The following ZNF136 variants were observed in gnomAD, a reference collection of about 807,000 sequenced individuals.
The protein encoded by ZNF136 is zinc finger protein 136.
Under a neutral mutation model 11.4 loss-of-function variants are expected in ZNF136, and 8 were observed. The observed-to-expected ratio is 0.70, with a 90% CI of 0.41 to 1.27. ZNF136 has a LOEUF of 1.27. Ranked by LOEUF, ZNF136 falls within the 50% of genes most tolerant of loss-of-function variation. The probability of loss-of-function intolerance (pLI) is 0.01; values close to 1 mark genes in which losing one functional copy is unlikely to be tolerated. For missense variants in ZNF136, 590 were observed against 656.5 expected (o/e 0.90, Z 1.11); for synonymous variants, 190 against 207.1 (o/e 0.92, Z 0.71).
In ZNF136 at chr19:12,188,950, G is replaced by T. The variant is rs1455900713; in HGVS notation, c.*949G>T. 1 of 152,144 alleles carries T rather than the reference G, an allele frequency of 6.6e-6. No individual in the cohort carries two copies. The highest frequency in any genetic ancestry group is 1.5e-5 in the Non-Finnish European group (1 of 68,048). 9.4% of individuals were successfully genotyped at this position (152,144 alleles called of 1,614,324 possible). A position where few individuals can be genotyped will look rare whatever the true frequency, so the allele number is the denominator to read the frequency against. On this transcript the variant is annotated 3_prime_UTR_variant, in exon 4 of 4. Transcript: ENST00000343979. Reference sequence around the variant, plus strand: ...TATATGTATATTTTGTTAATTAGTGGCTCATATTTAAAATAGTTCTCTGAC... The same window carrying T: ...TATATGTATATTTTGTTAATTAGTGTCTCATATTTAAAATAGTTCTCTGAC...
intron 1 of ZNF136, 126 bp from the exon 2 acceptor site, chr19:12,185,659 A>G: frequency 2.4e-6 from 3 of 1,264,558 alleles, no homozygotes; most frequent in Admixed American, 2.8e-5. Context: ...AGTGAGTATG[A>G]TGACCAAACA....
At position 12,183,548 on chromosome 19, in the gene ZNF136, AATCTATCTATCTATCTATCTATCT is replaced by A. The variant is rs57826139; in HGVS notation, c.4-2202_4-2179del. Among the ~76,000 whole-genome samples the A allele has an allele frequency of 1.1e-3, 158 of 145,528 alleles. 1 individual carries two copies. The Middle Eastern group carries it at 0.017, about 16-fold the overall frequency. On this transcript the variant is annotated intron_variant, in intron 1 of 3. Coordinates refer to ENST00000343979, the MANE Select transcript of ZNF136 (RefSeq NM_003437.5). ...TCTTCATTATGGCTTCACATAACTG[AATCTATCTATCTATCTATCTATCT>A]ATCTATCTATCTATCTATCTATCTA...
chr19:12,186,055 T>C, intron 2 of ZNF136, 59 bp from the exon 3 acceptor site: 4 of 1,590,094 alleles, frequency 2.5e-6, no homozygotes, highest in Non-Finnish European at 3.4e-6. Context: ...GAACCTAGAA[T>C]CTAATAATTT....
At chr19:12,182,417 T>G (rs1914968677) in intron 1 of ZNF136, among the ~76,000 whole-genome samples, 1 of 152,240 alleles carries the variant, frequency 6.6e-6, no homozygotes, top group Non-Finnish European at 1.5e-5. Context: ...TCCATGTCTC[T>G]TGGAGGGTCT....
intron 1 of ZNF136, among the ~76,000 whole-genome samples, chr19:12,181,402 C>T (rs1014695802): frequency 6.6e-6 from 1 of 152,154 alleles, no homozygotes; most frequent in Non-Finnish European, 1.5e-5. Context: ...GTCCCCAACA[C>T]CAGCTTCTGT....
intron 1 of ZNF136, among the ~76,000 whole-genome samples, chr19:12,174,502 C>G (rs1914739123): frequency 6.6e-6 from 1 of 152,120 alleles, no homozygotes; most frequent in African/African-American, 2.4e-5. Flanking sequence ...CTGGTAATAC[C>G]ATACTCTCCT....
chr19:12,185,894 G>T lies in ZNF136; in HGVS notation c.113G>T (p.Arg38Met). 3.7e-6 allele frequency: 6 copies of T among 1,613,544 alleles called. No homozygotes were observed. The highest frequency in any genetic ancestry group is 5.1e-6 in the Non-Finnish European group (6 of 1,179,880). The change falls in exon 2 of 4, where the codon AGG (arginine) becomes ATG (methionine). Residue 38 changes from arginine to methionine, a missense_variant. Physicochemically the swap from Arg to Met is moderately conservative, Grantham distance 91. Transcript: ENST00000343979. ...LYRDVMWETM[R>M]NLASIGKKWK... is the part of the protein sequence containing the mutation. ...AGAGATGTGATGTGGGAAACCATGAGGAATCTGGCCTCTATAGGTAAGGAT... is the reference window on the plus strand; with the variant it reads ...AGAGATGTGATGTGGGAAACCATGATGAATCTGGCCTCTATAGGTAAGGAT...
rs1385313982 is a variant in ZNF136, at chr19:12,187,824, T to A, written c.1446T>A (p.Gly482=). The stretch of plus-strand genomic sequence containing the variant: ...AACCCTTTGAATGTAAGCGATGTGG[T>A]AAAGCCTTTAGATCTTCTAGTTCCT... The part of the protein sequence containing the change: ...GEKPFECKRC[G]KAFRSSSSFR... The change falls in exon 4 of 4, where the codon GGT becomes GGA. Residue 482 remains glycine (G), a synonymous_variant. Coordinates refer to ENST00000343979, the MANE Select transcript of ZNF136 (RefSeq NM_003437.5). 3.7e-6 allele frequency: 6 copies of A among 1,605,818 alleles called. No homozygotes were observed. Among genetic ancestry groups the A allele is most frequent in the Non-Finnish European group, 5.1e-6 (6 of 1,177,188 alleles).
chr19:12,184,032 C>A (rs970830341), intron 1 of ZNF136, among the ~76,000 whole-genome samples: 4 of 151,544 alleles, frequency 2.6e-5, no homozygotes, highest in African/African-American at 9.7e-5. Context: ...TTCGGGAGGC[C>A]AAGGCTGGCA....
At chr19:12,180,606 A>G (rs1255404830) in intron 1 of ZNF136, among the ~76,000 whole-genome samples, 1 of 152,200 alleles carries the variant, frequency 6.6e-6, no homozygotes, top group Non-Finnish European at 1.5e-5. Flanking sequence ...TCAGTGAGTG[A>G]AGAAATGTCA....
rs1485834768 is a variant in ZNF136 at position 12,187,146 on chromosome 19, A to G, written c.768A>G (p.Val256=). The stretch of plus-strand genomic sequence containing the variant: ...GAGATGGACCTTATAAATGTAAGGT[A>G]TGTGGGAAACCCTTTCATTCTCTGA... The part of the protein sequence containing the change: ...HTGDGPYKCK[V]CGKPFHSLSS... Residue 256 remains valine, a synonymous_variant, in exon 4 of 4, where the codon GTA becomes GTG. Transcript: ENST00000343979. 6 of 1,614,136 alleles carry G rather than the reference A, an allele frequency of 3.7e-6. No homozygotes were observed. Among genetic ancestry groups the G allele is most frequent in the Non-Finnish European group, 5.1e-6 (6 of 1,180,010 alleles).
chr19:12,169,364 AT>A (rs1473442892), intron 1 of ZNF136: 14 of 152,358 alleles, frequency 9.2e-5, no homozygotes, highest in African/African-American at 3.4e-4. Context: ...AGGAGGGAGC[AT>A]TTCCACACTG....
At chr19:12,171,725 A>G (rs1016184952) in intron 1 of ZNF136, among the ~76,000 whole-genome samples, 4 of 151,760 alleles carry the variant, frequency 2.6e-5, no homozygotes, top group African/African-American at 7.3e-5. Context: ...CGCCTTCTGC[A>G]TGCACCATCA....
chr19:12,187,107 G>T lies in ZNF136; in HGVS notation c.729G>T (p.Met243Ile). ...FTCITSVRRH[M>I]IKHTGDGPYK... The stretch of plus-strand genomic sequence containing the variant: ...GTATCACAAGTGTTCGAAGACACAT[G>T]ATAAAGCACACTGGAGATGGACCTT... Residue 243 changes from methionine to isoleucine, a missense_variant, in exon 4 of 4, where the codon ATG becomes ATT. Coordinates refer to ENST00000343979, the MANE Select transcript of ZNF136 (RefSeq NM_003437.5). The T allele has an allele frequency of 6.2e-7, 1 of 1,614,056 alleles. No individual in the cohort carries two copies. The highest frequency in any genetic ancestry group is 8.5e-7 in the Non-Finnish European group (1 of 1,179,998).
At chr19:12,166,992 G>T (rs1977196244) in intron 1 of ZNF136, among the ~76,000 whole-genome samples, 1 of 152,218 alleles carries the variant, frequency 6.6e-6, no homozygotes, top group African/African-American at 2.4e-5. Flanking sequence ...AGTTTAGGCA[G>T]AAAAGTGTTT....
At position 12,189,656 on chromosome 19, in the gene ZNF136, T is replaced by A. The variant is rs1197130873; in HGVS notation, c.*1655T>A. The A allele has an allele frequency of 2.0e-5, 3 of 148,286 alleles. No homozygotes were observed. Among genetic ancestry groups the A allele is most frequent in the Non-Finnish European group, 4.5e-5 (3 of 66,900 alleles). 9.2% of individuals were successfully genotyped at this position (148,286 alleles called of 1,614,324 possible). ...CGTGTGAGCCATCACACCTAGCCCA[T>A]TTTTTTTTTCTTGGCTCAAATAATT... On this transcript the variant is annotated 3_prime_UTR_variant, in exon 4 of 4. Coordinates refer to ENST00000343979, the MANE Select transcript of ZNF136 (RefSeq NM_003437.5).
intron 1 of ZNF136, among the ~76,000 whole-genome samples, chr19:12,181,052 C>G (rs762769998): frequency 2.0e-5 from 3 of 152,222 alleles, no homozygotes; most frequent in Non-Finnish European, 4.4e-5. Context: ...CCACCCTGTA[C>G]GATCTTGTGG....
Position 12,186,740 on chromosome 19 carries a change from T to G in ZNF136, c.362T>G (p.Ile121Ser). 1.9e-6 allele frequency: 3 copies of G among 1,614,034 alleles called. No individual in the cohort carries two copies. The highest frequency in any genetic ancestry group is 2.5e-6 in the Non-Finnish European group (3 of 1,179,998). Residue 121 changes from isoleucine (I) to serine (S), a missense_variant, in exon 4 of 4, where the codon ATC becomes AGC. Transcript: ENST00000343979. Reference protein sequence around the residue: ...SMGQSSLNRHIKDHSGHEPKE... With the variant: ...SMGQSSLNRHSKDHSGHEPKE... ...GGTCAGTCATCCCTTAATAGACACA[T>G]CAAAGATCACAGTGGACATGAACCA... is the stretch of plus-strand genomic sequence containing the variant.
chr19:12,178,654 A>C (rs1914857490), intron 1 of ZNF136, among the ~76,000 whole-genome samples: 1 of 152,190 alleles, frequency 6.6e-6, no homozygotes, highest in Admixed American at 6.5e-5. Context: ...GATCAGATCA[A>C]CTTTATAATA....
Sources: gnomAD v4.1 joint callset for allele counts (sites outside exome capture counted in the v4.1 genomes callset) on GRCh38, gnomAD v4.1.1 for gene constraint, MANE v1.5 for transcripts, NCBI Gene and HGNC (gene_info 2026-07-23, HGNC 2026-07-21) for gene names.